Variants in CNTN5 observed in about 807,000 individuals in gnomAD.
CNTN5 encodes contactin 5, also known as contactin-5.
Under a neutral mutation model 129.1 loss-of-function variants are expected in CNTN5, and 77 were observed. The observed-to-expected ratio is 0.60, with a 90% CI of 0.50 to 0.72. The LOEUF is 0.72. Ranked by LOEUF, CNTN5 falls within the 30% of genes least tolerant of loss-of-function variation. CNTN5 has a pLI of 0.00. For synonymous variants in CNTN5, 509 were observed against 465.6 expected (o/e 1.09, Z -1.20); for missense variants, 1,478 against 1,328.8 (o/e 1.11, Z -1.75).
intron 1 of CNTN5, among the ~76,000 whole-genome samples, chr11:99,183,049 C>G (rs1169918369): frequency 6.6e-6 from 1 of 152,130 alleles, no homozygotes; most frequent in East Asian, 1.9e-4. Context: ...GAATCAATGA[C>G]TGCTTAGACT....
chr11:99,561,718 T>TA (rs1331156077), intron 3 of CNTN5, among the ~76,000 whole-genome samples: 1 of 586 alleles, frequency 1.7e-3, no homozygotes, highest in Non-Finnish European at 0.013. Flanking sequence ...CCAAAACCTA[T>TA]AACCCCAAAA....
At chr11:100,257,622 T>C (rs1208807817) in intron 17 of CNTN5, among the ~76,000 whole-genome samples, 6 of 152,132 alleles carry the variant, frequency 3.9e-5, no homozygotes, top group Admixed American at 6.5e-5. Context: ...TCCTGCACCC[T>C]CTGCTGGTGA....
At chr11:100,250,646 C>A (rs1279856489) in intron 16 of CNTN5, among the ~76,000 whole-genome samples, 1 of 152,046 alleles carries the variant, frequency 6.6e-6, no homozygotes, top group Admixed American at 6.6e-5. Flanking sequence ...ATCTTTGTCC[C>A]TCTCACTAAT....
At chr11:100,105,385 G>A (rs1178702780) in intron 13 of CNTN5, among the ~76,000 whole-genome samples, 1 of 152,068 alleles carries the variant, frequency 6.6e-6, no homozygotes, top group Non-Finnish European at 1.5e-5. Flanking sequence ...TGCTTCATTT[G>A]CAAGCAAGAA....
chr11:100,328,714 A>G (rs1259262248), intron 21 of CNTN5, among the ~76,000 whole-genome samples: 1 of 152,230 alleles, frequency 6.6e-6, no homozygotes, highest in African/African-American at 2.4e-5. Context: ...TTACAATTTG[A>G]CATGATATTT....
chr11:99,451,734 G>C (rs1449214164), intron 2 of CNTN5, among the ~76,000 whole-genome samples: 2 of 152,034 alleles, frequency 1.3e-5, no homozygotes, highest in Non-Finnish European at 2.9e-5. Context: ...ATAGTACCTA[G>C]ATAAAAGCCT....
At chr11:99,061,848 C>T (rs1039685869) in intron 1 of CNTN5, among the ~76,000 whole-genome samples, 1 of 151,704 alleles carries the variant, frequency 6.6e-6, no homozygotes, top group Non-Finnish European at 1.5e-5. Context: ...GAAAAATAGG[C>T]GGGCATGGTG....
At chr11:99,404,971 G>A (rs768717425) in intron 2 of CNTN5, among the ~76,000 whole-genome samples, 1 of 152,082 alleles carries the variant, frequency 6.6e-6, no homozygotes, top group South Asian at 2.1e-4. Context: ...CATGTTTGAA[G>A]GATAATTTCA....
chr11:99,844,888 C>T lies in CNTN5; in HGVS notation c.314C>T (p.Pro105Leu), dbSNP rs573111009. The change falls in exon 5 of 25, where the codon CCA becomes CTA. Residue 105 changes from proline (P) to leucine (L), a missense_variant. Transcript: ENST00000524871. ...VDYGPVFVQEPDDIIFPTDSD... is the reference protein window; with the variant it reads ...VDYGPVFVQELDDIIFPTDSD... ...TATGGGCCAGTTTTTGTGCAAGAAC[C>T]AGATGATATTATTTTTCCAACTGAT... is the stretch of plus-strand genomic sequence containing the variant. 1 of 1,613,430 alleles carries T rather than the reference C, an allele frequency of 6.2e-7. No homozygotes were observed. Among genetic ancestry groups the T allele is most frequent in the East Asian group, 2.2e-5 (1 of 44,820 alleles).
intron 3 of CNTN5, among the ~76,000 whole-genome samples, chr11:99,567,965 A>G (rs964432416): frequency 1.3e-5 from 2 of 152,200 alleles, no homozygotes; most frequent in Admixed American, 1.3e-4. Flanking sequence ...TCCTGGGGTG[A>G]TATAAAATTA....
chr11:99,088,497 C>T (rs759256793), intron 1 of CNTN5, among the ~76,000 whole-genome samples: 8 of 152,004 alleles, frequency 5.3e-5, no homozygotes, highest in South Asian at 2.1e-4. Flanking sequence ...AGGTATAAAT[C>T]TTGAGAGGGA....
Position 99,051,540 on chromosome 11 carries a change from T to G in CNTN5, c.-210+30270T>G, listed in dbSNP as rs568828474. 5.3e-5 allele frequency among the ~76,000 whole-genome samples: 8 copies of G among 152,082 alleles called. No individual in the cohort carries two copies. The East Asian group carries it at 1.5e-3, about 29-fold the overall frequency. On this transcript the variant is annotated intron_variant, in intron 1 of 24. Transcript: ENST00000524871. ...CATTACTAGAAACAAGCTTGGTTTA[T>G]TTTTGTAAATTTATTTTACTTCAAC...
At chr11:99,882,821 CT>C (rs903691874) in intron 6 of CNTN5, among the ~76,000 whole-genome samples, 9 of 152,080 alleles carry the variant, frequency 5.9e-5, no homozygotes, top group Non-Finnish European at 1.5e-5. Flanking sequence ...TTTCTGACTA[CT>C]TTTTTTGTGC....
intron 3 of CNTN5, among the ~76,000 whole-genome samples, chr11:99,747,743 A>T (rs1944102017): frequency 1.3e-5 from 2 of 152,202 alleles, no homozygotes; most frequent in East Asian, 1.9e-4. Flanking sequence ...AAGTGCTGGG[A>T]TTACAGGCAT....
intron 1 of CNTN5, among the ~76,000 whole-genome samples, chr11:99,039,375 A>G (rs1056940562): frequency 2.6e-5 from 4 of 152,170 alleles, no homozygotes; most frequent in African/African-American, 9.6e-5. Context: ...TCTCCACAAG[A>G]GTACTGTGTC....
chr11:100,025,040 A>G (rs1941351741), intron 9 of CNTN5, among the ~76,000 whole-genome samples: 1 of 152,178 alleles, frequency 6.6e-6, no homozygotes, highest in South Asian at 2.1e-4. Context: ...CAATGGGGAA[A>G]ATGTCTCCAG....
chr11:100,174,331 A>C (rs1947901992), intron 13 of CNTN5, among the ~76,000 whole-genome samples: 1 of 152,148 alleles, frequency 6.6e-6, no homozygotes, highest in Non-Finnish European at 1.5e-5. Context: ...AGCTTTAAAA[A>C]AGAAATACTC....
chr11:99,979,570 G>A (rs1938208427), intron 8 of CNTN5, among the ~76,000 whole-genome samples: 1 of 152,028 alleles, frequency 6.6e-6, no homozygotes, highest in Admixed American at 6.5e-5. Flanking sequence ...TGGAGGGGAG[G>A]TAGTTTACTT....
chr11:99,669,211 T>G (rs6590260), intron 3 of CNTN5, among the ~76,000 whole-genome samples: 39,547 of 151,932 alleles, frequency 0.26, 5,229 homozygotes, highest in South Asian at 0.38. Context: ...AGGTTTTTAC[T>G]TATGCTATAA....
Sources: allele counts gnomAD v4.1 joint callset (sites outside exome capture counted in the v4.1 genomes callset), GRCh38; gene constraint gnomAD v4.1.1; transcripts MANE v1.5; gene names NCBI Gene and HGNC (gene_info 2026-07-23, HGNC 2026-07-21).